IL12RB1: variants seen among roughly 807,000 people sequenced by gnomAD.
IL12RB1 encodes interleukin-12 receptor subunit beta-1.
In IL12RB1, 64 loss-of-function variants were observed where a neutral mutation model predicts 94.4. The ratio of observed to expected loss-of-function variants is 0.68; its 90% CI spans 0.55 to 0.83. IL12RB1 has a LOEUF of 0.83. Ranked by LOEUF, IL12RB1 falls within the 40% of genes least tolerant of loss-of-function variation. IL12RB1 has a pLI of 0.00. For missense variants in IL12RB1, 814 were observed against 855.6 expected (o/e 0.95, Z 0.61); for synonymous variants, 362 against 355.5 (o/e 1.02, Z -0.21).
At chr19:18,072,067 G>T in intron 9 of IL12RB1, 45 bp downstream of exon 9, 1 of 1,307,502 alleles carries the variant, frequency 7.6e-7, no homozygotes, top group Non-Finnish European at 1.1e-6. Context: ...TAGGTGCTCA[G>T]CTCTGAGGGG....
At chr19:18,081,179 T>C (rs1267705517) in intron 3 of IL12RB1, among the ~76,000 whole-genome samples, 178 bp from the exon 4 acceptor site, 3 of 151,984 alleles carry the variant, frequency 2.0e-5, no homozygotes, top group Non-Finnish European at 4.4e-5. Flanking sequence ...CACTGCAACC[T>C]CCACCTCCCT....
chr19:18,067,047 G>T (rs2034633269), intron 11 of IL12RB1, among the ~76,000 whole-genome samples: 1 of 145,704 alleles, frequency 6.9e-6, no homozygotes, highest in African/African-American at 2.5e-5. Context: ...AAAAAGCCCA[G>T]CCACGATGGC....
Position 18,064,022 on chromosome 19 carries a change from G to C in IL12RB1, c.1484-12C>G. ...CTGCACGGGATGCTCTGCAGTGGGA[G>C]AGGCAACCCTGAGTCCTGGGACCTC... On this transcript the variant is annotated splice_polypyrimidine_tract_variant and intron_variant, in intron 12 of 16. Transcript: ENST00000593993. 6.2e-7 allele frequency: 1 copy of C among 1,607,888 alleles called. No homozygotes were observed. The highest frequency in any genetic ancestry group is 8.5e-7 in the Non-Finnish European group (1 of 1,175,004).
intron 7 of IL12RB1, among the ~76,000 whole-genome samples, chr19:18,074,564 A>G (rs768548098): frequency 3.6e-4 from 55 of 152,124 alleles, no homozygotes; most frequent in South Asian, 1.5e-3. Flanking sequence ...CCGGGCAAAC[A>G]TGGCGAAACC....
Position 18,060,098 on chromosome 19 carries a change from G to A in IL12RB1, c.1792-13C>T, listed in dbSNP as rs2034017817. The A allele has an allele frequency of 6.6e-7, 1 of 1,514,182 alleles. No homozygotes were observed. Among genetic ancestry groups the A allele is most frequent in the South Asian group, 1.1e-5 (1 of 87,534 alleles). 93.8% of individuals were successfully genotyped at this position (1,514,182 alleles called of 1,614,324 possible). A position where few individuals can be genotyped will look rare whatever the true frequency, so the allele number is the denominator to read the frequency against. ...TCCACTGCCAAGTCTGCAGAGGGAGGGTAGGGCCACAGCTGTGAGCAGAGC... is the reference window on the plus strand; with the variant it reads ...TCCACTGCCAAGTCTGCAGAGGGAGAGTAGGGCCACAGCTGTGAGCAGAGC... On this transcript the variant is annotated splice_polypyrimidine_tract_variant and intron_variant, in intron 15 of 16. Coordinates refer to ENST00000593993, the MANE Select transcript of IL12RB1 (RefSeq NM_005535.3).
Position 18,059,525 on chromosome 19 carries a change from CTGGGTT to C in IL12RB1, c.*77_*82del. ...AGGTGCACTGGAGCCTGGAGGAGCT[CTGGGTT>C]ATTTGGGTCCAAATGTGACTCCTGT... On this transcript the variant is annotated 3_prime_UTR_variant, in exon 17 of 17. Coordinates refer to ENST00000593993, the MANE Select transcript of IL12RB1 (RefSeq NM_005535.3). The C allele has an allele frequency of 1.3e-6, 1 of 759,416 alleles. No homozygotes were observed. The highest frequency in any genetic ancestry group is 2.5e-6 in the Non-Finnish European group (1 of 407,222). 47.0% of individuals were successfully genotyped at this position (759,416 alleles called of 1,614,324 possible). A position where few individuals can be genotyped will look rare whatever the true frequency, so the allele number is the denominator to read the frequency against.
At chr19:18,061,233 G>GA in intron 14 of IL12RB1, 36 bp from the exon 15 acceptor site, 3 of 823,480 alleles carry the variant, frequency 3.6e-6, no homozygotes, top group Non-Finnish European at 5.7e-6. Context: ...AGGAGCTGAG[G>GA]TTTTTTTTTT....
Position 18,075,765 on chromosome 19 carries a change from G to A in IL12RB1, c.684C>T (p.Pro228=), listed in dbSNP as rs17852635. 0.3 allele frequency: 484,597 copies of A among 1,610,226 alleles called. 75,834 individuals carry two copies. Among genetic ancestry groups the A allele is most frequent in the East Asian group, 0.38 (17,188 of 44,826 alleles). The part of the protein sequence containing the change: ...QGSSWSKWSS[P]VCVPPENPPQ... ...TGATCTTACCAGGGGGAACGCACAC[G>A]GGGCTGCTCCACTTGCTCCAGGAAC... The change falls in exon 7 of 17, where the codon CCC becomes CCT. Residue 228 remains proline (P), a synonymous_variant. Transcript: ENST00000593993.
In IL12RB1 at chr19:18,080,847, G is replaced by A. The variant is rs1284613041; in HGVS notation, c.394C>T (p.Gln132Ter). Residue 132 changes from glutamine (Q) to a stop codon, truncating the protein, a stop_gained, in exon 4 of 17, where the codon CAG (glutamine) becomes TAG (stop). Coordinates refer to ENST00000593993, the MANE Select transcript of IL12RB1 (RefSeq NM_005535.3). LOFTEE classifies it high-confidence loss of function. ...QTEKSPEVTL[Q>*]LYNSVKYEPP... is the part of the protein sequence containing the mutation. The stretch of plus-strand genomic sequence containing the variant: ...AGGTGCTAACCTGAGTTGTAGAGCT[G>A]CAGGGTCACCTCAGGAGACTTCTCT... The A allele has an allele frequency of 1.9e-6, 3 of 1,607,848 alleles. No individual in the cohort carries two copies. The highest frequency in any genetic ancestry group is 2.6e-6 in the Non-Finnish European group (3 of 1,174,298).
intron 1 of IL12RB1, among the ~76,000 whole-genome samples, chr19:18,084,529 T>C (rs931583109): frequency 6.6e-6 from 1 of 151,826 alleles, no homozygotes; most frequent in African/African-American, 2.4e-5. Flanking sequence ...CATTCATTAA[T>C]CCATTATCCA....
chr19:18,086,564 A>G (rs1430443740), intron 1 of IL12RB1, among the ~76,000 whole-genome samples, 196 bp downstream of exon 1: 1 of 152,144 alleles, frequency 6.6e-6, no homozygotes, highest in Non-Finnish European at 1.5e-5. Context: ...ATTTCACAGA[A>G]GAGAAAATCT....
intron 5 of IL12RB1, among the ~76,000 whole-genome samples, chr19:18,076,769 C>A (rs2035510640): frequency 6.6e-6 from 1 of 152,090 alleles, no homozygotes; most frequent in Non-Finnish European, 1.5e-5. Flanking sequence ...ACTAGAGAAC[C>A]TTCTCTAGGT....
chr19:18,075,372 T>C (rs983903956), intron 7 of IL12RB1, among the ~76,000 whole-genome samples: 6 of 151,642 alleles, frequency 4.0e-5, no homozygotes, highest in Non-Finnish European at 8.8e-5. Context: ...GGGATTCTCC[T>C]GCCTCAGCCT....
Position 18,075,768 on chromosome 19 carries a change from G to T in IL12RB1, c.681C>A (p.Ser227Arg), listed in dbSNP as rs751060519. 2 of 1,612,702 alleles carry T rather than the reference G, an allele frequency of 1.2e-6. No homozygotes were observed. The highest frequency in any genetic ancestry group is 1.7e-5 in the Admixed American group (1 of 59,968). The change falls in exon 7 of 17, where the codon AGC becomes AGA. Residue 227 changes from serine (S) to arginine (R), a missense_variant. Ser to Arg is a moderately radical substitution (Grantham distance 110). Coordinates refer to ENST00000593993, the MANE Select transcript of IL12RB1 (RefSeq NM_005535.3). Reference sequence around the variant, plus strand: ...TCTTACCAGGGGGAACGCACACGGGGCTGCTCCACTTGCTCCAGGAACTTC... The same window carrying T: ...TCTTACCAGGGGGAACGCACACGGGTCTGCTCCACTTGCTCCAGGAACTTC... ...SQGSSWSKWS[S>R]PVCVPPENPP...
At chr19:18,084,158 T>A (rs899625678) in intron 1 of IL12RB1, among the ~76,000 whole-genome samples, 6 of 151,006 alleles carry the variant, frequency 4.0e-5, no homozygotes, top group Admixed American at 1.3e-4. Context: ...CATTCATCCA[T>A]CTACTCATCC....
chr19:18,077,298 G>T (rs2035556883), intron 5 of IL12RB1, among the ~76,000 whole-genome samples: 1 of 151,982 alleles, frequency 6.6e-6, no homozygotes, highest in African/African-American at 2.4e-5. Flanking sequence ...GGAGGCAGAG[G>T]TTGCAGTGAG....
chr19:18,087,087 G>T (rs774003021), upstream of IL12RB1: 30 of 617,238 alleles, frequency 4.9e-5, no homozygotes, highest in Non-Finnish European at 7.1e-5. Context: ...GCAAGTCAGG[G>T]TTCTAGGGGG....
At chr19:18,093,999 C>T (rs1459851255) in intron 1 of IL12RB1, among the ~76,000 whole-genome samples, 1 of 152,122 alleles carries the variant, frequency 6.6e-6, no homozygotes, top group East Asian at 1.9e-4. Context: ...TAGGAGTTTG[C>T]CAGGAGAAAA....
Position 18,073,547 on chromosome 19 carries a change from A to AATTT in IL12RB1, c.752_753insAAAT (p.Asp251GlufsTer45). 6.3e-7 allele frequency: 1 copy of AATTT among 1,575,376 alleles called. No homozygotes were observed. The highest frequency in any genetic ancestry group is 8.6e-7 in the Non-Finnish European group (1 of 1,162,242). ...CTTTCAGGGTCAGCCGCCTCCTCCC[A>AATTT]TCCTGGCCCAGCTGCTCCACCGAGA... On this transcript the variant is annotated frameshift_variant, in exon 8 of 17. Coordinates refer to ENST00000593993, the MANE Select transcript of IL12RB1 (RefSeq NM_005535.3). LOFTEE classifies it high-confidence loss of function.
Sources: allele counts gnomAD v4.1 joint callset (sites outside exome capture counted in the v4.1 genomes callset), GRCh38; gene constraint gnomAD v4.1.1; transcripts MANE v1.5; gene names NCBI Gene and HGNC (gene_info 2026-07-23, HGNC 2026-07-21).